CCDC68: variants seen among roughly 807,000 people sequenced by gnomAD.
The protein encoded by CCDC68 is coiled-coil domain containing 68, also known as coiled-coil domain-containing protein 68.
A neutral mutation model predicts 47.1 loss-of-function variants in CCDC68; 45 were observed. The observed-to-expected ratio is 0.96, with a 90% CI of 0.75 to 1.23. The LOEUF (loss-of-function observed/expected upper bound fraction) is 1.23, where lower values mean the gene tolerates loss of function less well. CCDC68 is among the 50% of genes most tolerant of loss of function. The pLI, the probability that CCDC68 is intolerant of heterozygous loss-of-function variation, is 0.00. For synonymous variants in CCDC68, 131 were observed against 129.5 expected (o/e 1.01, Z -0.08); for missense variants, 353 against 373.6 (o/e 0.94, Z 0.45).
At chr18:54,906,358 C>T (rs1434189995) in intron 11 of CCDC68, among the ~76,000 whole-genome samples, 1 of 152,060 alleles carries the variant, frequency 6.6e-6, no homozygotes, top group Non-Finnish European at 1.5e-5. Context: ...AACAGTAAAC[C>T]TTTAACTATT....
intron 2 of CCDC68, among the ~76,000 whole-genome samples, chr18:54,944,317 TA>T (rs907623880): frequency 6.6e-6 from 1 of 151,914 alleles, no homozygotes; most frequent in African/African-American, 2.4e-5. Flanking sequence ...AACTAATAAG[TA>T]AACTATAATA....
rs774108444 is a variant in CCDC68, at chr18:54,939,984, G to A, written c.204+1013C>T. 2.0e-5 allele frequency among the ~76,000 whole-genome samples: 3 copies of A among 152,060 alleles called. No homozygotes were observed. In the South Asian group the frequency reaches 6.2e-4, roughly 32 times the overall value. On this transcript the variant is annotated intron_variant, in intron 4 of 11. Coordinates refer to ENST00000591504, the MANE Select transcript of CCDC68 (RefSeq NM_025214.3). ...CATCTTGGCTCTACCCTAGAGCCCT[G>A]AAATCTCCTTCTTTTCCTCCTAATC...
In CCDC68 at chr18:54,953,275, A is replaced by G. The variant is rs1255961826; in HGVS notation, c.-103+6061T>C. On this transcript the variant is annotated intron_variant, in intron 1 of 11. Transcript: ENST00000591504. The stretch of plus-strand genomic sequence containing the variant: ...TGTTAGTGATCATGGTTCTATGACT[A>G]TAACAATTTCCAAAAACTTACAATA... Among the ~76,000 whole-genome samples the G allele has an allele frequency of 2.0e-5, 3 of 148,682 alleles. No individual in the cohort carries two copies. In the Admixed American group the frequency reaches 2.0e-4, roughly 10 times the overall value.
chr18:54,932,546 C>T (rs1191771810), intron 7 of CCDC68, among the ~76,000 whole-genome samples: 2 of 152,178 alleles, frequency 1.3e-5, no homozygotes, highest in East Asian at 3.9e-4. Flanking sequence ...ATCATCCACA[C>T]TTACCTCCAC....
chr18:54,904,333 T>C lies in CCDC68; in HGVS notation c.*25A>G. On this transcript the variant is annotated 3_prime_UTR_variant, in exon 12 of 12. Transcript: ENST00000591504. ...ATAAATAAGACTCACGCAGTCTTTC[T>C]AAATCAGATCTTCATCCAGCCAGTT... 1.3e-6 allele frequency: 2 copies of C among 1,587,526 alleles called. No individual in the cohort carries two copies. The highest frequency in any genetic ancestry group is 2.2e-5 in the South Asian group (2 of 90,386).
chr18:54,945,566 T>G (rs988380562), intron 1 of CCDC68, 89 bp from the exon 2 acceptor site: 5 of 152,196 alleles, frequency 3.3e-5, no homozygotes, highest in African/African-American at 1.2e-4. Flanking sequence ...ATTTGCATAT[T>G]TGAGGGCATC....
intron 8 of CCDC68, among the ~76,000 whole-genome samples, chr18:54,922,459 C>T (rs989915399): frequency 6.6e-6 from 1 of 151,934 alleles, no homozygotes; most frequent in South Asian, 2.1e-4. Context: ...TGCTCAGAAC[C>T]CTTGGAGGGT....
At chr18:54,940,906 C>T in intron 4 of CCDC68, 91 bp downstream of exon 4, 1 of 834,728 alleles carries the variant, frequency 1.2e-6, no homozygotes, top group African/African-American at 1.7e-5. Flanking sequence ...AACACTCATC[C>T]TTCGAATCTT....
intron 4 of CCDC68, among the ~76,000 whole-genome samples, chr18:54,939,354 G>C (rs571467480): frequency 7.2e-5 from 11 of 152,190 alleles, no homozygotes; most frequent in African/African-American, 1.4e-4. Flanking sequence ...ATTGATCAGT[G>C]CTTTTCAAAC....
chr18:54,943,189 G>T (rs1461261883), intron 2 of CCDC68, among the ~76,000 whole-genome samples: 1 of 152,066 alleles, frequency 6.6e-6, no homozygotes, highest in Non-Finnish European at 1.5e-5. Flanking sequence ...ATTATGTTTT[G>T]TGTGCGTGTG....
chr18:54,954,854 A>T (rs989647553), intron 1 of CCDC68: 7 of 152,204 alleles, frequency 4.6e-5, no homozygotes, highest in Non-Finnish European at 1.0e-4. Flanking sequence ...TCAAAACAGT[A>T]GTAGTATTCT....
At chr18:54,920,940 A>T (rs556278662) in intron 8 of CCDC68, among the ~76,000 whole-genome samples, 22 of 152,378 alleles carry the variant, frequency 1.4e-4, no homozygotes, top group African/African-American at 5.0e-4. Context: ...ACATAGAAAC[A>T]ACCTAGGTGC....
At chr18:54,904,595 G>C (rs766573189) in intron 11 of CCDC68, among the ~76,000 whole-genome samples, 180 bp from the exon 12 acceptor site, 1 of 152,124 alleles carries the variant, frequency 6.6e-6, no homozygotes, top group African/African-American at 2.4e-5. Flanking sequence ...CAGTAGAATC[G>C]CATTGTGAAA....
chr18:54,941,794 TTTA>T (rs1211595463), intron 3 of CCDC68, among the ~76,000 whole-genome samples: 1 of 152,186 alleles, frequency 6.6e-6, no homozygotes, highest in East Asian at 1.9e-4. Context: ...TATTTTATTT[TTTA>T]TTATTATAAT....
rs553476746 is a variant in CCDC68, at chr18:54,903,584, A to C, written c.*774T>G. ...CCCAATATTTTATTTAGATACTATT[A>C]ATAACTATCAAGAAGAAAATTAGTC... On this transcript the variant is annotated 3_prime_UTR_variant, in exon 12 of 12. Transcript: ENST00000591504. 6.6e-6 allele frequency: 1 copy of C among 152,292 alleles called. No individual in the cohort carries two copies. Among genetic ancestry groups the C allele is most frequent in the Admixed American group, 6.5e-5 (1 of 15,302 alleles). 9.4% of individuals were successfully genotyped at this position (152,292 alleles called of 1,614,324 possible). A position where few individuals can be genotyped will look rare whatever the true frequency, so the allele number is the denominator to read the frequency against.
At chr18:54,925,653 G>C (rs2044132212) in intron 8 of CCDC68, among the ~76,000 whole-genome samples, 1 of 152,194 alleles carries the variant, frequency 6.6e-6, no homozygotes, top group South Asian at 2.1e-4. Context: ...AAGATAGTGA[G>C]ATTAGTGGCA....
Position 54,917,904 on chromosome 18 carries a change from C to G in CCDC68, c.873+9G>C. ...TCACAACAAAATGTAAGACAGGTTCCCTCCTTACCTGGGCTTCAAGTATGT... is the reference window on the plus strand; with the variant it reads ...TCACAACAAAATGTAAGACAGGTTCGCTCCTTACCTGGGCTTCAAGTATGT... On this transcript the variant is annotated intron_variant, in intron 10 of 11. Coordinates refer to ENST00000591504, the MANE Select transcript of CCDC68 (RefSeq NM_025214.3). 1 of 1,528,560 alleles carries G rather than the reference C, an allele frequency of 6.5e-7. No homozygotes were observed. 94.7% of individuals were successfully genotyped at this position (1,528,560 alleles called of 1,614,324 possible).
In CCDC68 at chr18:54,953,075, A is replaced by T. The variant is rs566997208; in HGVS notation, c.-103+6261T>A. ...AACATAGATAAGTGTCAAATGCATC[A>T]TGCTAACTGAAACAGCCAAATTCAA... On this transcript the variant is annotated intron_variant, in intron 1 of 11. Transcript: ENST00000591504. Among the ~76,000 whole-genome samples the T allele has an allele frequency of 3.9e-5, 6 of 152,334 alleles. No individual in the cohort carries two copies. The South Asian group carries it at 1.2e-3, about 32-fold the overall frequency.
intron 8 of CCDC68, among the ~76,000 whole-genome samples, chr18:54,921,143 C>T (rs1164796353): frequency 1.3e-5 from 2 of 152,084 alleles, no homozygotes; most frequent in Admixed American, 6.5e-5. Context: ...GAGCTAAACA[C>T]TGGGCAAACA....
Sources: allele counts gnomAD v4.1 joint callset (sites outside exome capture counted in the v4.1 genomes callset), GRCh38; gene constraint gnomAD v4.1.1; transcripts MANE v1.5; gene names NCBI Gene and HGNC (gene_info 2026-07-23, HGNC 2026-07-21).